TEX26: variants seen among roughly 807,000 people sequenced by gnomAD.
The protein encoded by TEX26 is testis-expressed protein 26.
A neutral mutation model predicts 35.3 loss-of-function variants in TEX26; 34 were observed. The ratio of observed to expected loss-of-function variants is 0.96; its 90% CI spans 0.73 to 1.28. The LOEUF (loss-of-function observed/expected upper bound fraction) is 1.28, where lower values mean the gene tolerates loss of function less well. Ranked by LOEUF, TEX26 falls within the 50% of genes most tolerant of loss-of-function variation. The pLI, the probability that TEX26 is intolerant of heterozygous loss-of-function variation, is 0.00. For missense variants in TEX26, 371 were observed against 330.1 expected (o/e 1.12, Z -0.96); for synonymous variants, 136 against 111.8 (o/e 1.22, Z -1.36).
chr13:30,953,639 C>A (rs1954012949), intron 3 of TEX26, among the ~76,000 whole-genome samples: 1 of 152,162 alleles, frequency 6.6e-6, no homozygotes, highest in Non-Finnish European at 1.5e-5. Context: ...GTTGCCTCTA[C>A]CTAGAATGCC....
intron 2 of TEX26, among the ~76,000 whole-genome samples, chr13:30,946,629 C>T (rs1953721548): frequency 6.6e-6 from 1 of 151,502 alleles, no homozygotes; most frequent in Non-Finnish European, 1.5e-5. Flanking sequence ...TTTCTTTTTT[C>T]CCCCTTAAGG....
intron 4 of TEX26, among the ~76,000 whole-genome samples, chr13:30,959,909 G>C (rs1954273499): frequency 6.6e-6 from 1 of 152,126 alleles, no homozygotes; most frequent in Non-Finnish European, 1.5e-5. Flanking sequence ...GTGTTTCCAG[G>C]GGGTTGACAT....
chr13:30,948,798 G>T (rs1250403439), intron 2 of TEX26, among the ~76,000 whole-genome samples: 6 of 152,172 alleles, frequency 3.9e-5, no homozygotes, highest in Non-Finnish European at 5.9e-5. Context: ...TGGTGTTTTA[G>T]ACATGAAGTC....
At chr13:30,966,883 C>T (rs1414914533) in intron 5 of TEX26, among the ~76,000 whole-genome samples, 1 of 152,208 alleles carries the variant, frequency 6.6e-6, no homozygotes, top group Non-Finnish European at 1.5e-5. Context: ...AACCTTGTCG[C>T]TGCAGCTCCC....
At chr13:30,955,379 G>T (rs556162003) in intron 3 of TEX26, among the ~76,000 whole-genome samples, 1 of 152,272 alleles carries the variant, frequency 6.6e-6, no homozygotes, top group East Asian at 1.9e-4. Context: ...AAATGCATAC[G>T]CAATCAACAA....
At chr13:30,963,954 C>A (rs1168033978) in intron 4 of TEX26, among the ~76,000 whole-genome samples, 1 of 152,136 alleles carries the variant, frequency 6.6e-6, no homozygotes, top group Non-Finnish European at 1.5e-5. Flanking sequence ...ACAGCCTGGC[C>A]CCAGCTTGCC....
intron 4 of TEX26, among the ~76,000 whole-genome samples, chr13:30,959,529 T>C (rs1210589320): frequency 6.6e-6 from 1 of 152,250 alleles, no homozygotes; most frequent in African/African-American, 2.4e-5. Flanking sequence ...TATGACATAC[T>C]GTGATTACAT....
rs151207981 is a variant in TEX26, at chr13:30,951,182, C to T, written c.147-1478C>T. On this transcript the variant is annotated intron_variant, in intron 2 of 6. Transcript: ENST00000380473. Reference sequence around the variant, plus strand: ...TGGGCAACATAGTGAGACCTCATCTCAAAAAATAAAAATAAAAAATAAATC... The same window carrying T: ...TGGGCAACATAGTGAGACCTCATCTTAAAAAATAAAAATAAAAAATAAATC... Among the ~76,000 whole-genome samples, 200 of 151,626 alleles carry T rather than the reference C, an allele frequency of 1.3e-3. 1 individual carries two copies. Among genetic ancestry groups the T allele is most frequent in the African/African-American group, 4.8e-3 (199 of 41,308 alleles).
intron 2 of TEX26, among the ~76,000 whole-genome samples, chr13:30,944,163 A>G (rs973075466): frequency 3.3e-5 from 5 of 151,264 alleles, no homozygotes; most frequent in African/African-American, 1.2e-4. Flanking sequence ...CAGGGTTTCT[A>G]TTTCTTCCTG....
chr13:30,962,189 T>C (rs537780155), intron 4 of TEX26, among the ~76,000 whole-genome samples: 1 of 152,322 alleles, frequency 6.6e-6, no homozygotes, highest in African/African-American at 2.4e-5. Flanking sequence ...ATCATGAGTC[T>C]CCAGATGTGC....
intron 2 of TEX26, among the ~76,000 whole-genome samples, chr13:30,940,929 C>T (rs1476895687): frequency 6.6e-6 from 1 of 152,072 alleles, no homozygotes; most frequent in Non-Finnish European, 1.5e-5. Context: ...CACAGCGAGG[C>T]TCTGTCTCAA....
chr13:30,963,883 A>G lies in TEX26; in HGVS notation c.470-2339A>G, dbSNP rs558708384. On this transcript the variant is annotated intron_variant, in intron 4 of 6. Coordinates refer to ENST00000380473, the MANE Select transcript of TEX26 (RefSeq NM_152325.3). ...TGCCTTTTCTGGGTCTTCATCTCCA[A>G]TGATTCCACCTCTATGCCGGTCCAT... Among the ~76,000 whole-genome samples, 24 of 152,216 alleles carry G rather than the reference A, an allele frequency of 1.6e-4. No individual in the cohort carries two copies. In the South Asian group the frequency reaches 3.9e-3, roughly 25 times the overall value.
chr13:30,940,658 T>A (rs1399096422), intron 2 of TEX26, among the ~76,000 whole-genome samples: 2 of 152,142 alleles, frequency 1.3e-5, no homozygotes, highest in African/African-American at 4.8e-5. Flanking sequence ...ACTGTGTCAC[T>A]GGTAGGTATG....
rs188736915 is a variant in TEX26, at chr13:30,951,089, C to T, written c.147-1571C>T. 3.1e-4 allele frequency among the ~76,000 whole-genome samples: 47 copies of T among 152,222 alleles called. 3 individuals are homozygous for T. The South Asian group carries it at 6.8e-3, about 22-fold the overall frequency. ...TGTAATCCCAGCCTGTAGCATGCGC[C>T]TGTGGTCCCAGCTACTTGGGAGTTT... On this transcript the variant is annotated intron_variant, in intron 2 of 6. Coordinates refer to ENST00000380473, the MANE Select transcript of TEX26 (RefSeq NM_152325.3).
chr13:30,937,065 T>C (rs1019618131), intron 1 of TEX26: 25 of 895,590 alleles, frequency 2.8e-5, no homozygotes, highest in Non-Finnish European at 3.3e-5. Context: ...AAAGATCAAG[T>C]GTGCATCCAA....
chr13:30,963,994 C>T (rs961493130), intron 4 of TEX26, among the ~76,000 whole-genome samples: 13 of 152,202 alleles, frequency 8.5e-5, no homozygotes, highest in African/African-American at 3.1e-4. Flanking sequence ...CTCCTCCTCC[C>T]TGCCCTGCAT....
Position 30,969,043 on chromosome 13 carries a change from A to C in TEX26, c.805A>C (p.Lys269Gln), listed in dbSNP as rs1358292915. 16 of 1,612,354 alleles carry C rather than the reference A, an allele frequency of 9.9e-6. No individual in the cohort carries two copies. The highest frequency in any genetic ancestry group is 1.4e-5 in the Non-Finnish European group (16 of 1,179,104). Residue 269 changes from lysine (K) to glutamine (Q), a missense_variant, in exon 6 of 7, where the codon AAA becomes CAA. Lys to Gln is a moderately conservative substitution (Grantham distance 53). Transcript: ENST00000380473. ...AGAGTACCTTCAGAGTCTTTCCTACAAAGGTAAGATGAGGTCTTATTTCAC... is the reference window on the plus strand; with the variant it reads ...AGAGTACCTTCAGAGTCTTTCCTACCAAGGTAAGATGAGGTCTTATTTCAC... ...VKEYLQSLSYKDRQIIDRFIR... is the reference protein window; with the variant it reads ...VKEYLQSLSYQDRQIIDRFIR...
chr13:30,951,675 G>A (rs1245909637), intron 2 of TEX26, among the ~76,000 whole-genome samples: 1 of 151,962 alleles, frequency 6.6e-6, no homozygotes, highest in Non-Finnish European at 1.5e-5. Flanking sequence ...CAAATCCCAG[G>A]CATTGTATCA....
At chr13:30,938,497 T>G (rs1940220193) in intron 1 of TEX26, among the ~76,000 whole-genome samples, 2 of 152,164 alleles carry the variant, frequency 1.3e-5, no homozygotes. Flanking sequence ...AGGGCAAGAA[T>G]GTGCTAGCCC....
Sources: allele counts gnomAD v4.1 joint callset (sites outside exome capture counted in the v4.1 genomes callset), GRCh38; gene constraint gnomAD v4.1.1; transcripts MANE v1.5; gene names NCBI Gene and HGNC (gene_info 2026-07-23, HGNC 2026-07-21).